Variants in LARP1B observed in about 807,000 individuals in gnomAD.
LARP1B encodes la-related protein 1B.
Under a neutral mutation model 114.2 loss-of-function variants are expected in LARP1B, and 76 were observed. The observed-to-expected ratio is 0.67, with a 90% CI of 0.55 to 0.81. LARP1B has a LOEUF of 0.81. LARP1B is among the 30% of genes least tolerant of loss of function. The probability of loss-of-function intolerance (pLI) is 0.00; values close to 1 mark genes in which losing one functional copy is unlikely to be tolerated. For missense variants in LARP1B, 1,014 were observed against 1,075.8 expected (o/e 0.94, Z 0.80); for synonymous variants, 345 against 348.0 (o/e 0.99, Z 0.10).
intron 15 of LARP1B, among the ~76,000 whole-genome samples, chr4:128,192,384 A>T (rs187648543): frequency 6.6e-6 from 1 of 152,172 alleles, no homozygotes. Flanking sequence ...TTACATCCTG[A>T]TGAACCCTTT....
At chr4:128,075,515 TTAACC>T (rs1354242924) in intron 3 of LARP1B, among the ~76,000 whole-genome samples, 1 of 152,116 alleles carries the variant, frequency 6.6e-6, no homozygotes, top group Non-Finnish European at 1.5e-5. Context: ...CATGGGAAGC[TTAACC>T]TAACCTATTA....
At chr4:128,129,654 A>G (rs930483981) in intron 11 of LARP1B, among the ~76,000 whole-genome samples, 2 of 152,230 alleles carry the variant, frequency 1.3e-5, no homozygotes, top group Admixed American at 1.3e-4. Flanking sequence ...TAATGAAGGC[A>G]GTACGGTACT....
chr4:128,104,005 T>TTTTA (rs778183810), intron 8 of LARP1B, among the ~76,000 whole-genome samples: 42 of 151,140 alleles, frequency 2.8e-4, no homozygotes, highest in Non-Finnish European at 5.5e-4. Flanking sequence ...ATTATTATTA[T>TTTTA]TTTATTTATT....
chr4:128,110,560 C>A (rs1480943771), intron 9 of LARP1B, among the ~76,000 whole-genome samples: 2 of 145,788 alleles, frequency 1.4e-5, no homozygotes, highest in Non-Finnish European at 3.0e-5. Context: ...GCCTGTAGTC[C>A]CAGCTACTTG....
chr4:128,080,077 T>C (rs931969166), intron 4 of LARP1B, among the ~76,000 whole-genome samples: 4 of 151,766 alleles, frequency 2.6e-5, no homozygotes, highest in Non-Finnish European at 4.4e-5. Flanking sequence ...CTCTGCCTCC[T>C]GGGTTGAAGC....
intron 7 of LARP1B, chr4:128,093,141 TAG>T (rs1482977754): frequency 3.9e-6 from 2 of 511,870 alleles, no homozygotes; most frequent in African/African-American, 4.2e-5. Flanking sequence ...CAAATGTTAG[TAG>T]AGCACTAGGT....
At chr4:128,132,756 T>C (rs149840277) in intron 11 of LARP1B, among the ~76,000 whole-genome samples, 30 of 152,184 alleles carry the variant, frequency 2.0e-4, no homozygotes, top group Non-Finnish European at 1.3e-4. Flanking sequence ...TTCTGTGGAC[T>C]GGGGGGCATG....
intron 12 of LARP1B, among the ~76,000 whole-genome samples, chr4:128,172,670 G>C (rs1327799321): frequency 6.6e-6 from 1 of 151,702 alleles, no homozygotes; most frequent in Non-Finnish European, 1.5e-5. Context: ...TCCAGCCTGG[G>C]TGACAGAGTC....
intron 11 of LARP1B, among the ~76,000 whole-genome samples, chr4:128,127,790 C>T (rs757289524): frequency 3.3e-5 from 5 of 152,204 alleles, no homozygotes; most frequent in East Asian, 3.9e-4. Flanking sequence ...GCCGAAATTG[C>T]GCCATTGCAA....
intron 15 of LARP1B, among the ~76,000 whole-genome samples, chr4:128,180,987 A>G (rs1178815577): frequency 6.6e-6 from 1 of 151,850 alleles, no homozygotes; most frequent in East Asian, 1.9e-4. Flanking sequence ...ATCTTTTTCT[A>G]CCTTTTTACT....
At chr4:128,119,753 T>C (rs997645781) in intron 10 of LARP1B, among the ~76,000 whole-genome samples, 2 of 152,202 alleles carry the variant, frequency 1.3e-5, no homozygotes, top group African/African-American at 4.8e-5. Flanking sequence ...ATCCCATTTA[T>C]TTTCTGCTTT....
intron 11 of LARP1B, among the ~76,000 whole-genome samples, chr4:128,159,813 G>A (rs542162135): frequency 6.6e-6 from 1 of 152,082 alleles, no homozygotes; most frequent in African/African-American, 2.4e-5. Context: ...TTCTACTAAG[G>A]CTAAATAGAA....
At chr4:128,114,428 A>G (rs1413883126) in intron 9 of LARP1B, 142 bp from the exon 10 acceptor site, 1 of 645,198 alleles carries the variant, frequency 1.5e-6, no homozygotes, top group African/African-American at 1.8e-5. Flanking sequence ...TCAGGTTTGA[A>G]AATCACTGGA....
chr4:128,208,270 G>A (rs1578785646), intron 19 of LARP1B, among the ~76,000 whole-genome samples: 1 of 151,244 alleles, frequency 6.6e-6, no homozygotes, highest in African/African-American at 2.4e-5. Context: ...GGAGGTTGCA[G>A]TGGGCAGAGA....
At chr4:128,219,978 C>G (rs942187227) in intron 6 of LARP1B, among the ~76,000 whole-genome samples, 2 of 152,122 alleles carry the variant, frequency 1.3e-5, no homozygotes, top group African/African-American at 4.8e-5. Flanking sequence ...CTCTGTCTAC[C>G]AGGTTCAAGC....
chr4:128,077,935 G>T lies in LARP1B; in HGVS notation c.190G>T (p.Ala64Ser). The T allele has an allele frequency of 6.2e-7, 1 of 1,605,644 alleles. No individual in the cohort carries two copies. Among genetic ancestry groups the T allele is most frequent in the South Asian group, 1.1e-5 (1 of 88,532 alleles). ...GPGENVSEDEAQSSNQRKRAN... is the reference protein window; with the variant it reads ...GPGENVSEDESQSSNQRKRAN... ...TGGTGAAAACGTCAGTGAGGATGAG[G>T]CTCAGTCAAGTAATCAACGTAAGAG... Residue 64 changes from alanine to serine, a missense_variant, in exon 4 of 20, where the codon GCT becomes TCT. Ala to Ser is a moderately conservative substitution (Grantham distance 99, BLOSUM62 1). Transcript: ENST00000326639.
At position 128,179,473 on chromosome 4, in the gene LARP1B, T is replaced by C; in HGVS notation, c.1964T>C (p.Met655Thr). The change falls in exon 15 of 20, where the codon ATG (methionine) becomes ACG (threonine). Residue 655 changes from methionine to threonine, a missense_variant. Coordinates refer to ENST00000326639, the MANE Select transcript of LARP1B (RefSeq NM_018078.4). ...PPLECHVGWV[M>T]DSRDRGPGTS... Reference sequence around the variant, plus strand: ...CTAGAGTGTCATGTTGGTTGGGTAATGGATTCCAGAGACCGTGGGCCAGGA... The same window carrying C: ...CTAGAGTGTCATGTTGGTTGGGTAACGGATTCCAGAGACCGTGGGCCAGGA... The C allele has an allele frequency of 6.2e-7, 1 of 1,610,530 alleles. No homozygotes were observed. The highest frequency in any genetic ancestry group is 1.1e-5 in the South Asian group (1 of 90,326).
chr4:128,076,035 A>C (rs1767707326), intron 3 of LARP1B, among the ~76,000 whole-genome samples: 1 of 151,840 alleles, frequency 6.6e-6, no homozygotes, highest in Non-Finnish European at 1.5e-5. Flanking sequence ...TTTTTTTGAG[A>C]CAGAGTCTTG....
intron 3 of LARP1B, among the ~76,000 whole-genome samples, chr4:128,076,147 G>A (rs1767764635): frequency 6.6e-6 from 1 of 152,232 alleles, no homozygotes; most frequent in South Asian, 2.1e-4. Flanking sequence ...CTGAGTAGCT[G>A]GTATTACAGG....
Sources: allele counts gnomAD v4.1 joint callset (sites outside exome capture counted in the v4.1 genomes callset), GRCh38; gene constraint gnomAD v4.1.1; transcripts MANE v1.5; gene names NCBI Gene and HGNC (gene_info 2026-07-23, HGNC 2026-07-21).